ADCY5: variants seen among roughly 807,000 people sequenced by gnomAD.
ADCY5 encodes adenylate cyclase 5.
ADCY5 carries 30 observed loss-of-function variants against 119.7 expected under a neutral mutation model. The ratio of observed to expected loss-of-function variants is 0.25; its 90% CI spans 0.19 to 0.34. The LOEUF (loss-of-function observed/expected upper bound fraction) is 0.34. Among genes scored for constraint, ADCY5 ranks in the 10% least tolerant of loss-of-function variants. The pLI is 1.00. For missense variants in ADCY5, 1,324 were observed against 1,775.2 expected (o/e 0.75, Z 4.57); for synonymous variants, 753 against 762.2 (o/e 0.99, Z 0.20).
At chr3:123,333,649 G>A (rs540010185) in intron 3 of ADCY5, among the ~76,000 whole-genome samples, 7 of 152,362 alleles carry the variant, frequency 4.6e-5, no homozygotes, top group African/African-American at 1.7e-4. Flanking sequence ...AGGAGGGTGC[G>A]GGACAGGGGG....
At chr3:123,332,845 C>T (rs1453547692) in intron 3 of ADCY5, among the ~76,000 whole-genome samples, 170 bp from the exon 4 acceptor site, 1 of 151,856 alleles carries the variant, frequency 6.6e-6, no homozygotes, top group African/African-American at 2.4e-5. Flanking sequence ...GCCTCGACTT[C>T]TTGGGCTCAG....
intron 16 of ADCY5, 107 bp from the exon 17 acceptor site, chr3:123,296,323 A>C: frequency 8.0e-7 from 1 of 1,252,732 alleles, no homozygotes. Context: ...CTCCCACTAT[A>C]CCTTCCCCTC....
At chr3:123,320,616 G>A (rs141717639) in intron 9 of ADCY5, 133 bp downstream of exon 9, 42 of 1,264,402 alleles carry the variant, frequency 3.3e-5, no homozygotes, top group Middle Eastern at 2.5e-4. Flanking sequence ...GCTAGGGTGG[G>A]CTCCATTCAC....
At chr3:123,377,943 A>AG in intron 1 of ADCY5, among the ~76,000 whole-genome samples, 1 of 151,750 alleles carries the variant, frequency 6.6e-6, no homozygotes, top group Admixed American at 6.6e-5. Context: ...AAAAAAAAAA[A>AG]AAAAACTCAA....
chr3:123,306,245 C>A (rs181958186), intron 12 of ADCY5, among the ~76,000 whole-genome samples: 1 of 152,186 alleles, frequency 6.6e-6, no homozygotes, highest in Non-Finnish European at 1.5e-5. Context: ...CCATTTATGG[C>A]CCAATGATTT....
rs186576307 is a variant in ADCY5 at position 123,334,214 on chromosome 3, C to T, written c.1407-1539G>A. On this transcript the variant is annotated intron_variant, in intron 3 of 20. Coordinates refer to ENST00000462833, the MANE Select transcript of ADCY5 (RefSeq NM_183357.3). ...TTCCAACATGTCATCTCACTGAGTC[C>T]GCGCAAAAGCCCTGCAAGTGAGGGG... Among the ~76,000 whole-genome samples, 8 of 152,122 alleles carry T rather than the reference C, an allele frequency of 5.3e-5. No homozygotes were observed. In the East Asian group the frequency reaches 5.8e-4, roughly 11 times the overall value.
chr3:123,413,201 CTG>C (rs1023164520), intron 1 of ADCY5, among the ~76,000 whole-genome samples: 1 of 152,220 alleles, frequency 6.6e-6, no homozygotes, highest in Non-Finnish European at 1.5e-5. Context: ...AAGGACCAGG[CTG>C]TTTTCTTAAG....
chr3:123,339,795 C>G (rs1277050926), intron 3 of ADCY5, among the ~76,000 whole-genome samples: 1 of 150,680 alleles, frequency 6.6e-6, no homozygotes, highest in Non-Finnish European at 1.5e-5. Context: ...CCCATAGCAC[C>G]TACTGACATT....
At chr3:123,416,857 G>A (rs1014131095) in intron 1 of ADCY5, among the ~76,000 whole-genome samples, 6 of 152,100 alleles carry the variant, frequency 3.9e-5, no homozygotes, top group Admixed American at 1.3e-4. Flanking sequence ...CTTAAATGAC[G>A]TCATAAGATT....
At chr3:123,411,692 G>T (rs1945052546) in intron 1 of ADCY5, among the ~76,000 whole-genome samples, 1 of 152,194 alleles carries the variant, frequency 6.6e-6, no homozygotes, top group African/African-American at 2.4e-5. Flanking sequence ...GGCAAAGCAG[G>T]GTGGGGCAAC....
intron 1 of ADCY5, among the ~76,000 whole-genome samples, chr3:123,424,613 G>A (rs1945364673): frequency 6.6e-6 from 1 of 152,186 alleles, no homozygotes; most frequent in African/African-American, 2.4e-5. Context: ...CTGAGGAGGT[G>A]GCTGCCTCCT....
At chr3:123,322,329 G>T (rs901452007) in intron 8 of ADCY5, among the ~76,000 whole-genome samples, 1 of 152,182 alleles carries the variant, frequency 6.6e-6, no homozygotes, top group Non-Finnish European at 1.5e-5. Flanking sequence ...TTGTGAATAA[G>T]CCTGTTCTGA....
intron 12 of ADCY5, among the ~76,000 whole-genome samples, chr3:123,305,383 G>A (rs1400561790): frequency 6.6e-6 from 1 of 152,162 alleles, no homozygotes; most frequent in South Asian, 2.1e-4. Flanking sequence ...ACCACCATGT[G>A]ACCACTTACT....
intron 12 of ADCY5, among the ~76,000 whole-genome samples, chr3:123,308,183 A>G (rs569162261): frequency 2.6e-4 from 39 of 151,524 alleles, no homozygotes; most frequent in Middle Eastern, 3.4e-3. Context: ...ACAGGCGCCC[A>G]CCACCACGCC....
chr3:123,362,576 T>C (rs1315584668), intron 1 of ADCY5, among the ~76,000 whole-genome samples: 1 of 152,200 alleles, frequency 6.6e-6, no homozygotes, highest in African/African-American at 2.4e-5. Flanking sequence ...TTTCATGTAA[T>C]AGTGCTTACA....
rs529033506 is a variant in ADCY5, at chr3:123,387,285, T to C, written c.1135-34704A>G. On this transcript the variant is annotated intron_variant, in intron 1 of 20. Transcript: ENST00000462833. ...AATGCATCGATGCTTTTTAATACAT[T>C]TACCTCCTTGGTGATGTTTGAGCCC... 2.0e-5 allele frequency among the ~76,000 whole-genome samples: 3 copies of C among 152,316 alleles called. No homozygotes were observed. The South Asian group carries it at 6.2e-4, about 32-fold the overall frequency.
At chr3:123,296,262 C>T (rs1939499722) in intron 16 of ADCY5, 46 bp from the exon 17 acceptor site, 2 of 1,595,550 alleles carry the variant, frequency 1.3e-6, no homozygotes, top group South Asian at 1.1e-5. Context: ...TGGCTCCTCA[C>T]AGCGGGCTCT....
intron 1 of ADCY5, among the ~76,000 whole-genome samples, chr3:123,383,543 CT>C (rs1187010463): frequency 6.6e-6 from 1 of 152,170 alleles, no homozygotes; most frequent in African/African-American, 2.4e-5. Context: ...AGGGGCTGCC[CT>C]GGTATTCCAG....
intron 3 of ADCY5, among the ~76,000 whole-genome samples, chr3:123,342,591 G>A (rs1229746393): frequency 1.3e-5 from 2 of 152,170 alleles, no homozygotes; most frequent in African/African-American, 4.8e-5. Flanking sequence ...CCTGAACCCT[G>A]GGGCCCTGCG....
Sources: allele counts gnomAD v4.1 joint callset (sites outside exome capture counted in the v4.1 genomes callset), GRCh38; gene constraint gnomAD v4.1.1; transcripts MANE v1.5; gene names NCBI Gene and HGNC (gene_info 2026-07-23, HGNC 2026-07-21).